The following CCSER1 variants were observed in gnomAD, a reference collection of about 807,000 sequenced individuals.
CCSER1 encodes serine-rich coiled-coil domain-containing protein 1.
A neutral mutation model predicts 82.0 loss-of-function variants in CCSER1; 41 were observed. That is an observed-to-expected ratio of 0.50 (90% CI 0.39 to 0.65). The LOEUF is 0.65. Ranked by LOEUF, CCSER1 falls within the 30% of genes least tolerant of loss-of-function variation. The pLI is 0.00. For synonymous variants in CCSER1, 414 were observed against 383.9 expected, an observed-to-expected ratio of 1.08 and a Z score of -0.92; for missense variants, 1,119 against 1,064.2, an observed-to-expected ratio of 1.05 and a Z score of -0.72.
chr4:91,161,049 C>T (rs777768015), intron 10 of CCSER1, among the ~76,000 whole-genome samples: 11 of 152,018 alleles, frequency 7.2e-5, no homozygotes, highest in Non-Finnish European at 1.3e-4. Flanking sequence ...TAACATTTAA[C>T]TCTTTAATCC....
chr4:90,744,370 T>G (rs1747056068), intron 7 of CCSER1, among the ~76,000 whole-genome samples: 1 of 152,174 alleles, frequency 6.6e-6, no homozygotes, highest in African/African-American at 2.4e-5. Context: ...TGAAGAATAT[T>G]TTCTACTTCT....
At chr4:90,581,616 T>C (rs778783148) in intron 5 of CCSER1, among the ~76,000 whole-genome samples, 13 of 152,162 alleles carry the variant, frequency 8.5e-5, no homozygotes, top group Non-Finnish European at 1.5e-4. Flanking sequence ...GGAAATCCCT[T>C]TAATGGAAAT....
intron 8 of CCSER1, among the ~76,000 whole-genome samples, chr4:90,913,078 A>G (rs1390313584): frequency 2.0e-5 from 3 of 152,236 alleles, no homozygotes; most frequent in African/African-American, 7.2e-5. Context: ...GATATTATCC[A>G]GGAGAACTTC....
chr4:90,525,211 G>T (rs538313879), intron 5 of CCSER1, among the ~76,000 whole-genome samples: 1 of 151,922 alleles, frequency 6.6e-6, no homozygotes, highest in Non-Finnish European at 1.5e-5. Flanking sequence ...TAAGTTGTTT[G>T]CTGTTTTCTA....
chr4:91,165,670 C>T (rs904290639), intron 10 of CCSER1, among the ~76,000 whole-genome samples: 5 of 152,314 alleles, frequency 3.3e-5, no homozygotes, highest in South Asian at 2.1e-4. Context: ...GCTGCTGCCT[C>T]GCAAGTCAAT....
intron 3 of CCSER1, among the ~76,000 whole-genome samples, chr4:90,328,129 C>A (rs1429905178): frequency 6.6e-6 from 1 of 152,034 alleles, no homozygotes; most frequent in African/African-American, 2.4e-5. Context: ...ATTCCAAACA[C>A]AAAGGCTGGG....
At chr4:90,995,722 C>T (rs916927221) in intron 9 of CCSER1, among the ~76,000 whole-genome samples, 5 of 152,016 alleles carry the variant, frequency 3.3e-5, no homozygotes, top group Admixed American at 1.3e-4. Flanking sequence ...TGTATTAGTT[C>T]GGTGTGTTGC....
chr4:90,383,066 G>A (rs1338163559), intron 3 of CCSER1, among the ~76,000 whole-genome samples: 1 of 152,084 alleles, frequency 6.6e-6, no homozygotes, highest in Admixed American at 6.5e-5. Flanking sequence ...AATGATACAA[G>A]TAAGAATAAT....
At chr4:90,152,209 C>T (rs1435332198) in intron 1 of CCSER1, among the ~76,000 whole-genome samples, 2 of 152,134 alleles carry the variant, frequency 1.3e-5, no homozygotes, top group Non-Finnish European at 2.9e-5. Flanking sequence ...GATCTTTTCC[C>T]TGACTAGTAG....
At chr4:90,399,568 A>T (rs1752515029) in intron 3 of CCSER1, among the ~76,000 whole-genome samples, 2 of 152,146 alleles carry the variant, frequency 1.3e-5, no homozygotes, top group African/African-American at 4.8e-5. Context: ...AAATATTAGA[A>T]AAAGTAACTG....
chr4:90,957,888 G>C (rs1761462385), intron 9 of CCSER1, among the ~76,000 whole-genome samples: 1 of 151,318 alleles, frequency 6.6e-6, no homozygotes, highest in Non-Finnish European at 1.5e-5. Context: ...ACTCTGTCTT[G>C]GCTCTTAAAA....
At chr4:90,566,602 C>T (rs1231784804) in intron 5 of CCSER1, among the ~76,000 whole-genome samples, 3 of 142,128 alleles carry the variant, frequency 2.1e-5, no homozygotes, top group Admixed American at 6.8e-5. Context: ...TTCACAATTA[C>T]CTTTTTTTTT....
In CCSER1 at chr4:90,147,833, A is replaced by G. The variant is rs532341892; in HGVS notation, c.-42+20002A>G. On this transcript the variant is annotated intron_variant, in intron 1 of 10. Coordinates refer to ENST00000509176, the MANE Select transcript of CCSER1 (RefSeq NM_001145065.2). ...AGGTTAGAATGTGATTGTGATCAAC[A>G]TAATTCATTTGAAGAGTATAATTAT... Among the ~76,000 whole-genome samples the G allele has an allele frequency of 3.9e-5, 6 of 152,312 alleles. 1 individual carries two copies. The South Asian group carries it at 1.2e-3, about 32-fold the overall frequency.
At chr4:90,404,059 G>A (rs902422198) in intron 4 of CCSER1, 5 of 152,174 alleles carry the variant, frequency 3.3e-5, no homozygotes, top group East Asian at 1.9e-4. Flanking sequence ...CTCGTGGTCC[G>A]GGGCAAGTTC....
At chr4:90,155,007 G>T (rs1054199840) in intron 1 of CCSER1, among the ~76,000 whole-genome samples, 2 of 152,132 alleles carry the variant, frequency 1.3e-5, no homozygotes, top group African/African-American at 4.8e-5. Context: ...TATGATATTG[G>T]CTGTGGGTTT....
chr4:90,907,592 A>G (rs942508976), intron 8 of CCSER1, among the ~76,000 whole-genome samples: 2 of 152,246 alleles, frequency 1.3e-5, no homozygotes, highest in South Asian at 2.1e-4. Context: ...AATGGAGTAT[A>G]TAAGATTCTT....
rs189207736 is a variant in CCSER1 at position 90,476,751 on chromosome 4, A to T, written c.1724+8397A>T. 9.2e-5 allele frequency among the ~76,000 whole-genome samples: 14 copies of T among 152,214 alleles called. No homozygotes were observed. The East Asian group carries it at 2.7e-3, about 29-fold the overall frequency. On this transcript the variant is annotated intron_variant, in intron 5 of 10. Coordinates refer to ENST00000509176, the MANE Select transcript of CCSER1 (RefSeq NM_001145065.2). ...TTGTTATTTTATCTCTCTGCTGTTTATTGCTCCTTAGTGAGTCATAATATT... is the reference window on the plus strand; with the variant it reads ...TTGTTATTTTATCTCTCTGCTGTTTTTTGCTCCTTAGTGAGTCATAATATT...
intron 8 of CCSER1, among the ~76,000 whole-genome samples, chr4:90,862,540 C>A (rs2149992387): frequency 6.6e-6 from 1 of 152,048 alleles, no homozygotes; most frequent in African/African-American, 2.4e-5. Context: ...CAGGATGTCA[C>A]AGTACAGCAC....
chr4:90,310,054 C>G (rs545323552), intron 2 of CCSER1, among the ~76,000 whole-genome samples: 1 of 151,948 alleles, frequency 6.6e-6, no homozygotes, highest in East Asian at 1.9e-4. Context: ...TAATTTAATA[C>G]GAATTTTATA....
Sources: gnomAD v4.1 joint callset for allele counts (sites outside exome capture counted in the v4.1 genomes callset) on GRCh38, gnomAD v4.1.1 for gene constraint, MANE v1.5 for transcripts, NCBI Gene and HGNC (gene_info 2026-07-23, HGNC 2026-07-21) for gene names.